The following PCDH7 variants were observed in gnomAD, a reference collection of about 807,000 sequenced individuals.
The protein encoded by PCDH7 is protocadherin 7.
In PCDH7, 17 loss-of-function variants were observed where a neutral mutation model predicts 58.9. The ratio of observed to expected loss-of-function variants is 0.29; its 90% CI spans 0.20 to 0.43. The LOEUF is 0.43. Ranked by LOEUF, PCDH7 falls within the 20% of genes least tolerant of loss-of-function variation. The pLI is 1.00. For synonymous variants in PCDH7, 664 were observed against 616.4 expected, an observed-to-expected ratio of 1.08 and a Z score of -1.14; for missense variants, 1,274 against 1,441.0, an observed-to-expected ratio of 0.88 and a Z score of 1.88.
At chr4:30,955,796 GC>G (rs1362304196) in intron 3 of PCDH7, among the ~76,000 whole-genome samples, 7 of 151,644 alleles carry the variant, frequency 4.6e-5, no homozygotes, top group Admixed American at 4.6e-4. Context: ...TGATCGTCCC[GC>G]CCCGGCCTCT....
intron 3 of PCDH7, among the ~76,000 whole-genome samples, chr4:31,052,000 G>A (rs1756786770): frequency 6.6e-6 from 1 of 152,066 alleles, no homozygotes; most frequent in Admixed American, 6.6e-5. Flanking sequence ...CATTGAAAGA[G>A]TTGATTGGTA....
intron 3 of PCDH7, among the ~76,000 whole-genome samples, chr4:31,069,843 T>G (rs1758395283): frequency 1.2e-5 from 1 of 85,714 alleles, no homozygotes; most frequent in Non-Finnish European, 2.3e-5. Context: ...ATATATATTT[T>G]ATATATAAAT....
intron 1 of PCDH7, chr4:30,786,600 G>A (rs1723431875): frequency 5.7e-6 from 1 of 174,130 alleles, no homozygotes; most frequent in South Asian, 1.9e-4. Context: ...TATGGCTACT[G>A]CAAATACATC....
intron 1 of PCDH7, among the ~76,000 whole-genome samples, chr4:30,743,832 A>C (rs2166717): frequency 6.6e-6 from 1 of 152,050 alleles, no homozygotes; most frequent in South Asian, 2.1e-4. Flanking sequence ...AGTTTGGTGA[A>C]CATTGAAACT....
At chr4:31,036,136 T>A (rs1275427581) in intron 3 of PCDH7, among the ~76,000 whole-genome samples, 2 of 152,218 alleles carry the variant, frequency 1.3e-5, no homozygotes, top group Non-Finnish European at 2.9e-5. Flanking sequence ...TGTACTTTGC[T>A]AAGTCTCATT....
At chr4:31,042,407 A>G (rs1000074199) in intron 3 of PCDH7, among the ~76,000 whole-genome samples, 1 of 152,138 alleles carries the variant, frequency 6.6e-6, no homozygotes, top group African/African-American at 2.4e-5. Context: ...TTACATTGAC[A>G]TGGAGAATAT....
At chr4:30,774,056 C>G (rs1361689959) in intron 1 of PCDH7, among the ~76,000 whole-genome samples, 1 of 152,230 alleles carries the variant, frequency 6.6e-6, no homozygotes, top group East Asian at 1.9e-4. Context: ...TCAGCATTTT[C>G]TTTGCTCAGT....
chr4:30,830,987 T>G (rs1729696651), intron 1 of PCDH7, among the ~76,000 whole-genome samples: 1 of 152,154 alleles, frequency 6.6e-6, no homozygotes, highest in African/African-American at 2.4e-5. Flanking sequence ...TCTAGTCACT[T>G]TTAATAGAGT....
chr4:31,067,315 T>C (rs1006856803), intron 3 of PCDH7, among the ~76,000 whole-genome samples: 2 of 151,184 alleles, frequency 1.3e-5, no homozygotes, highest in Non-Finnish European at 3.0e-5. Flanking sequence ...GGATTTTTAT[T>C]TCAGTTCGGA....
intron 1 of PCDH7, among the ~76,000 whole-genome samples, chr4:30,852,570 G>T (rs1732899186): frequency 6.6e-6 from 1 of 151,918 alleles, no homozygotes; most frequent in East Asian, 1.9e-4. Flanking sequence ...TCTTGGTGAT[G>T]AAATCAAATG....
At chr4:30,930,758 C>A (rs1744471847) in intron 2 of PCDH7, among the ~76,000 whole-genome samples, 1 of 151,178 alleles carries the variant, frequency 6.6e-6, no homozygotes, top group Admixed American at 6.6e-5. Context: ...AGAGTGAGAC[C>A]CTGTCTCTGC....
At chr4:30,953,694 T>A (rs1466315857) in intron 3 of PCDH7, among the ~76,000 whole-genome samples, 8 of 152,182 alleles carry the variant, frequency 5.3e-5, no homozygotes, top group Non-Finnish European at 8.8e-5. Context: ...TAATTAATTT[T>A]AAAAATAGCA....
chr4:30,761,170 C>A (rs1248153837), intron 1 of PCDH7, among the ~76,000 whole-genome samples: 2 of 152,146 alleles, frequency 1.3e-5, no homozygotes, highest in East Asian at 3.9e-4. Flanking sequence ...CTTGGCAGTA[C>A]CTAATGTATG....
At chr4:31,142,964 C>A, downstream of PCDH7, 1 of 695,270 alleles carries the variant, frequency 1.4e-6, no homozygotes, top group Non-Finnish European at 2.1e-6. Flanking sequence ...AGAGACAAAG[C>A]TTTGCCTGCC....
intron 3 of PCDH7, among the ~76,000 whole-genome samples, chr4:31,062,329 C>T (rs986914836): frequency 1.2e-4 from 18 of 151,558 alleles, no homozygotes; most frequent in African/African-American, 2.9e-4. Flanking sequence ...AACTGGATAA[C>T]GCATAGAAAA....
At chr4:30,897,641 C>G (rs1739621270) in intron 1 of PCDH7, among the ~76,000 whole-genome samples, 1 of 152,110 alleles carries the variant, frequency 6.6e-6, no homozygotes, top group Non-Finnish European at 1.5e-5. Flanking sequence ...AATTTCTTAA[C>G]AGAAGTTATG....
At chr4:30,942,848 C>T (rs1359608985) in intron 2 of PCDH7, among the ~76,000 whole-genome samples, 1 of 151,070 alleles carries the variant, frequency 6.6e-6, no homozygotes, top group Non-Finnish European at 1.5e-5. Context: ...GTATAGACAA[C>T]CTACCTAAGC....
At chr4:30,894,480 AAAAAAAAAAAATATATATATAT>A (rs1295066933) in intron 1 of PCDH7, among the ~76,000 whole-genome samples, 15 of 55,254 alleles carry the variant, frequency 2.7e-4, no homozygotes, top group South Asian at 6.6e-4. Flanking sequence ...AAAAAAAAAA[AAAAAAAAAAAATATATATATAT>A]ATATATATAT....
intron 3 of PCDH7, among the ~76,000 whole-genome samples, chr4:30,968,376 CTATATATATATATATATATATATATA>C (rs60085619): frequency 1.5e-5 from 1 of 67,066 alleles, no homozygotes; most frequent in Admixed American, 1.8e-4. Context: ...TATACACACA[CTATATATATATATATATATATATATA>C]TATATATATA....
Sources: allele counts gnomAD v4.1 joint callset (sites outside exome capture counted in the v4.1 genomes callset), GRCh38; gene constraint gnomAD v4.1.1; transcripts MANE v1.5; gene names NCBI Gene and HGNC (gene_info 2026-07-23, HGNC 2026-07-21).